MYRF: variants seen among roughly 807,000 people sequenced by gnomAD.
MYRF encodes myelin gene regulatory factor.
In MYRF, 16 loss-of-function variants were observed where a neutral mutation model predicts 126.3. That is an observed-to-expected ratio of 0.13 (90% CI 0.09 to 0.19). The LOEUF (loss-of-function observed/expected upper bound fraction) is 0.19. Among genes scored for constraint, MYRF ranks in the 10% least tolerant of loss-of-function variants. The pLI is 1.00. For synonymous variants in MYRF, 608 were observed against 635.3 expected, an observed-to-expected ratio of 0.96 and a Z score of 0.65; for missense variants, 1,104 against 1,547.0, an observed-to-expected ratio of 0.71 and a Z score of 4.80.
At position 61,771,544 on chromosome 11, in the gene MYRF, C is replaced by T. The variant is rs757180015; in HGVS notation, c.785C>T (p.Pro262Leu). Reference protein sequence around the residue: ...PSKKRKHSESPPSTLNAQMLN... With the variant: ...PSKKRKHSESLPSTLNAQMLN... Reference sequence around the variant, plus strand: ...AAGAAGAGGAAGCACTCTGAATCCCCCCCCAGCACCCTCAATGCCCAGATG... The same window carrying T: ...AAGAAGAGGAAGCACTCTGAATCCCTCCCCAGCACCCTCAATGCCCAGATG... The change falls in exon 6 of 27, where the codon CCC (proline) becomes CTC (leucine). Residue 262 changes from proline to leucine, a missense_variant. Pro to Leu is a moderately conservative substitution (Grantham distance 98, BLOSUM62 -3). This residue lies in a region of MYRF where 368 missense variants were observed against 403.9 expected (regional missense o/e 0.91). Coordinates refer to ENST00000278836, the MANE Select transcript of MYRF (RefSeq NM_001127392.3). 3.7e-6 allele frequency: 6 copies of T among 1,613,882 alleles called. No individual in the cohort carries two copies. The highest frequency in any genetic ancestry group is 2.5e-6 in the Non-Finnish European group (3 of 1,179,958).
Position 61,783,647 on chromosome 11 carries a change from T to C in MYRF, c.3119+47T>C. ...CACCCAGGGAGGTCCTCAGGTGACA[T>C]GAGCCCAGGTGGTACAGATCACCCG... On this transcript the variant is annotated intron_variant, in intron 23 of 26. Coordinates refer to ENST00000278836, the MANE Select transcript of MYRF (RefSeq NM_001127392.3). The surrounding 1 kb of genome is among the most constrained non-coding windows in gnomAD (Gnocchi z 4.6). 1 of 1,549,652 alleles carries C rather than the reference T, an allele frequency of 6.5e-7. No individual in the cohort carries two copies. The highest frequency in any genetic ancestry group is 1.7e-4 in the Middle Eastern group (1 of 5,884).
At chr11:61,772,007 C>G (rs1392758030) in intron 7 of MYRF, 55 bp downstream of exon 7, 2 of 1,604,440 alleles carry the variant, frequency 1.2e-6, no homozygotes, top group African/African-American at 1.3e-5. Flanking sequence ...TTGGGACGCC[C>G]CAGCCCAGGA....
In MYRF at chr11:61,785,884, G is replaced by C. The variant is rs199605323; in HGVS notation, c.3375+10G>C. 6.2e-7 allele frequency: 1 copy of C among 1,613,696 alleles called. No homozygotes were observed. The highest frequency in any genetic ancestry group is 8.5e-7 in the Non-Finnish European group (1 of 1,179,714). On this transcript the variant is annotated intron_variant, in intron 26 of 26. Coordinates refer to ENST00000278836, the MANE Select transcript of MYRF (RefSeq NM_001127392.3). Reference sequence around the variant, plus strand: ...CCGGGTGGCACTGCTGGTGAGCAGGGGCATCCCACCTACCCTGGAGGTCTG... The same window carrying C: ...CCGGGTGGCACTGCTGGTGAGCAGGCGCATCCCACCTACCCTGGAGGTCTG...
chr11:61,758,180 A>G (rs1355182363), intron 1 of MYRF, among the ~76,000 whole-genome samples: 2 of 152,132 alleles, frequency 1.3e-5, no homozygotes, highest in African/African-American at 4.8e-5. Flanking sequence ...GCTCCCGGAC[A>G]TTCTGTCCTC....
chr11:61,773,115 C>T (rs1428496785), intron 7 of MYRF, among the ~76,000 whole-genome samples: 2 of 151,516 alleles, frequency 1.3e-5, no homozygotes, highest in Non-Finnish European at 2.9e-5. Context: ...AAGCAATTCT[C>T]CTGCCTCAGC....
chr11:61,762,710 C>T (rs553650819), intron 1 of MYRF, among the ~76,000 whole-genome samples: 67 of 152,224 alleles, frequency 4.4e-4, no homozygotes, highest in Middle Eastern at 6.8e-3. Flanking sequence ...GGCCGAGCGG[C>T]GTGGGAAAGA....
At position 61,777,128 on chromosome 11, in the gene MYRF, A is replaced by G. The variant is rs924625784; in HGVS notation, c.1591-136A>G. ...AAAAAGTTGTCACAGTGGGAGGGAC[A>G]GTTCAAGTTGGGCTTGGTGCAGTGA... is the stretch of plus-strand genomic sequence containing the variant. On this transcript the variant is annotated intron_variant, in intron 11 of 26. Coordinates refer to ENST00000278836, the MANE Select transcript of MYRF (RefSeq NM_001127392.3). The surrounding 1 kb of genome is among the most constrained non-coding windows in gnomAD (Gnocchi z 8.8). 1.1e-6 allele frequency: 1 copy of G among 937,772 alleles called. No individual in the cohort carries two copies. The highest frequency in any genetic ancestry group is 1.6e-5 in the African/African-American group (1 of 60,698). 58.1% of individuals were successfully genotyped at this position (937,772 alleles called of 1,614,324 possible).
intron 3 of MYRF, chr11:61,768,616 G>A (rs1177213457): frequency 6.6e-6 from 1 of 152,300 alleles, no homozygotes; most frequent in East Asian, 1.9e-4. Context: ...CATGGGAATG[G>A]GGAGTTGCTC....
At chr11:61,753,687 G>T (rs2065668866) in intron 1 of MYRF, among the ~76,000 whole-genome samples, 1 of 151,724 alleles carries the variant, frequency 6.6e-6, no homozygotes, top group Admixed American at 6.6e-5. Context: ...GGGTGGAATT[G>T]ACATACACCC....
chr11:61,774,200 G>C (rs896400695), intron 8 of MYRF, 38 bp downstream of exon 8: 11 of 1,544,658 alleles, frequency 7.1e-6, no homozygotes, highest in Non-Finnish European at 8.8e-6. Flanking sequence ...AGGGCAGGAG[G>C]GCCCTTTGGG....
chr11:61,774,204 C>T, intron 8 of MYRF, 42 bp downstream of exon 8: 1 of 1,539,302 alleles, frequency 6.5e-7, no homozygotes, highest in East Asian at 2.3e-5. Flanking sequence ...CAGGAGGGCC[C>T]TTTGGGGGCA....
intron 1 of MYRF, among the ~76,000 whole-genome samples, chr11:61,764,303 G>A (rs1447141812): frequency 6.6e-6 from 1 of 152,242 alleles, no homozygotes; most frequent in East Asian, 1.9e-4. Context: ...GGGCTGGGAA[G>A]TGAGGACGGC....
chr11:61,765,613 C>T lies in MYRF; in HGVS notation c.47-12C>T, dbSNP rs2066033579. 6.2e-7 allele frequency: 1 copy of T among 1,609,424 alleles called. No individual in the cohort carries two copies. Among genetic ancestry groups the T allele is most frequent in the Non-Finnish European group, 8.5e-7 (1 of 1,178,078 alleles). On this transcript the variant is annotated splice_polypyrimidine_tract_variant and intron_variant, in intron 1 of 26. Transcript: ENST00000278836. The stretch of plus-strand genomic sequence containing the variant: ...TGGGCCTCTTCCCTAGCCCATCTCT[C>T]CTGCCCTGCAGGCCACGACATCAAC...
chr11:61,767,207 G>A (rs947706285), intron 3 of MYRF: 5 of 456,758 alleles, frequency 1.1e-5, no homozygotes, highest in Admixed American at 9.4e-5. Context: ...GCTGCAGAAG[G>A]CAAACTGTTT....
Position 61,772,033 on chromosome 11 carries a change from G to A in MYRF, c.1115+81G>A, listed in dbSNP as rs941989865. On this transcript the variant is annotated intron_variant, in intron 7 of 26. Transcript: ENST00000278836. ...CAGCCCAGGACCCCATCAAGGTCCT[G>A]GAGCAGGGCCTGGGAGCACTCATTT... 3 of 1,566,990 alleles carry A rather than the reference G, an allele frequency of 1.9e-6. No individual in the cohort carries two copies. In the Admixed American group the frequency reaches 5.5e-5, roughly 29 times the overall value.
rs1341847550 is a variant in MYRF at position 61,785,797 on chromosome 11, C to T, written c.3301-3C>T. The T allele has an allele frequency of 6.2e-7, 1 of 1,613,834 alleles. No homozygotes were observed. Among genetic ancestry groups the T allele is most frequent in the South Asian group, 1.1e-5 (1 of 91,074 alleles). On this transcript the variant is annotated splice_region_variant and splice_polypyrimidine_tract_variant and intron_variant, in intron 25 of 26. Transcript: ENST00000278836. The stretch of plus-strand genomic sequence containing the variant: ...TCCTGACCCCTCTCTCCCTTCTCTC[C>T]AGGGCACCTCTCACCGGTGGCCAAT...
intron 1 of MYRF, chr11:61,755,831 C>T: frequency 2.1e-6 from 1 of 472,346 alleles, no homozygotes; most frequent in Non-Finnish European, 4.2e-6. Context: ...GTGCAGGGAG[C>T]CTTGGAGGAT....
chr11:61,763,640 G>A (rs904713666), intron 1 of MYRF, among the ~76,000 whole-genome samples: 1 of 152,196 alleles, frequency 6.6e-6, no homozygotes, highest in African/African-American at 2.4e-5. Context: ...GAGGCGGGCA[G>A]ATCACCTGAG....
rs759225281 is a variant in MYRF, at chr11:61,778,160, T to C, written c.1904-220T>C. 1.3e-5 allele frequency among the ~76,000 whole-genome samples: 2 copies of C among 152,072 alleles called. No individual in the cohort carries two copies. Among genetic ancestry groups the C allele is most frequent in the Non-Finnish European group, 2.9e-5 (2 of 68,004 alleles). Reference sequence around the variant, plus strand: ...GCCCTGGGATCCTTACCCCCAGGAATCCGCCCCACCCCAGCCCAGGAACCT... The same window carrying C: ...GCCCTGGGATCCTTACCCCCAGGAACCCGCCCCACCCCAGCCCAGGAACCT... On this transcript the variant is annotated intron_variant, in intron 13 of 26. Transcript: ENST00000278836. This position sits in a 1 kb window ranked among gnomAD's most constrained non-coding sequence, Gnocchi z 4.6.
Sources: allele counts gnomAD v4.1 joint callset (sites outside exome capture counted in the v4.1 genomes callset), GRCh38; gene constraint gnomAD v4.1.1; regional missense constraint gnomAD v4.1.1; non-coding constraint Gnocchi (gnomAD v3.1); transcripts MANE v1.5; gene names NCBI Gene and HGNC (gene_info 2026-07-23, HGNC 2026-07-21).